RNF111: variants seen among roughly 807,000 people sequenced by gnomAD.
RNF111 encodes the protein ring finger protein 111, also known as E3 ubiquitin-protein ligase Arkadia.
A neutral mutation model predicts 95.1 loss-of-function variants in RNF111; 17 were observed. The observed-to-expected ratio is 0.18, with a 90% CI of 0.12 to 0.27. The LOEUF (loss-of-function observed/expected upper bound fraction) is 0.27. Among genes scored for constraint, RNF111 ranks in the 10% least tolerant of loss-of-function variants. RNF111 has a pLI of 1.00. For synonymous variants in RNF111, 440 were observed against 414.8 expected (o/e 1.06, Z -0.74); for missense variants, 1,189 against 1,210.4 (o/e 0.98, Z 0.26).
chr15:59,086,716 C>T (rs188192243), intron 10 of RNF111, among the ~76,000 whole-genome samples: 10 of 152,260 alleles, frequency 6.6e-5, no homozygotes, highest in Admixed American at 3.3e-4. Flanking sequence ...GCAAATAGCA[C>T]AAGCACTGGG....
At chr15:59,059,205 T>G (rs558857491) in intron 5 of RNF111, among the ~76,000 whole-genome samples, 1 of 152,236 alleles carries the variant, frequency 6.6e-6, no homozygotes, top group Admixed American at 6.5e-5. Context: ...AGAAAAGATT[T>G]GAATAGATAT....
chr15:58,991,156 G>A (rs1221472692), intron 1 of RNF111, among the ~76,000 whole-genome samples: 1 of 151,984 alleles, frequency 6.6e-6, no homozygotes, highest in Non-Finnish European at 1.5e-5. Context: ...AATTAGCTGG[G>A]CATGGTGGTG....
At chr15:59,073,536 C>G (rs1596278865) in intron 6 of RNF111, among the ~76,000 whole-genome samples, 3 of 152,098 alleles carry the variant, frequency 2.0e-5, no homozygotes, top group Admixed American at 1.3e-4. Context: ...AGAAGCAACT[C>G]ATTCAGCTTT....
intron 5 of RNF111, among the ~76,000 whole-genome samples, chr15:59,063,173 G>T (rs2042514166): frequency 6.6e-6 from 1 of 152,128 alleles, no homozygotes; most frequent in African/African-American, 2.4e-5. Flanking sequence ...CTTGTGAGTT[G>T]AAATTAAATA....
chr15:58,997,975 G>A (rs2039155555), intron 1 of RNF111, among the ~76,000 whole-genome samples: 1 of 151,504 alleles, frequency 6.6e-6, no homozygotes, highest in African/African-American at 2.4e-5. Flanking sequence ...GGCGATCCTG[G>A]CTCACTGTAA....
chr15:59,063,585 C>A (rs2042530933), intron 5 of RNF111, among the ~76,000 whole-genome samples: 1 of 152,124 alleles, frequency 6.6e-6, no homozygotes, highest in Non-Finnish European at 1.5e-5. Context: ...TGTATTTCAC[C>A]TCTAATTTAT....
intron 7 of RNF111, among the ~76,000 whole-genome samples, chr15:59,080,508 T>C (rs2078709271): frequency 6.6e-6 from 1 of 152,264 alleles, no homozygotes; most frequent in African/African-American, 2.4e-5. Context: ...ATTTATTTTT[T>C]TCTTTCTGTC....
At chr15:59,014,542 G>A (rs920656670) in intron 1 of RNF111, among the ~76,000 whole-genome samples, 17 of 152,174 alleles carry the variant, frequency 1.1e-4, no homozygotes, top group African/African-American at 2.7e-4. Context: ...CTTTTCAAAA[G>A]CATTTTTCTG....
intron 4 of RNF111, among the ~76,000 whole-genome samples, chr15:59,056,061 C>G (rs1000088480): frequency 1.1e-4 from 17 of 151,898 alleles, no homozygotes; most frequent in Non-Finnish European, 2.1e-4. Flanking sequence ...TAGCTATTTT[C>G]TCAGGAAAAA....
At position 59,055,663 on chromosome 15, in the gene RNF111, A is replaced by G. The variant is rs751344757; in HGVS notation, c.1008-19A>G. ...ATTCTTTATTTATATTTACTAACTT[A>G]ATATTGATGTCATTTAAGGTCTCGT... On this transcript the variant is annotated intron_variant, in intron 3 of 13. Coordinates refer to ENST00000348370, the MANE Select transcript of RNF111 (RefSeq NM_017610.8). 6 of 1,547,476 alleles carry G rather than the reference A, an allele frequency of 3.9e-6. No homozygotes were observed. In the South Asian group the frequency reaches 6.2e-5, roughly 16 times the overall value.
intron 1 of RNF111, among the ~76,000 whole-genome samples, chr15:58,992,726 G>A (rs774814965): frequency 1.3e-5 from 2 of 152,110 alleles, no homozygotes; most frequent in African/African-American, 2.4e-5. Flanking sequence ...AGGCTGAGGT[G>A]AGAGGATGGC....
At chr15:59,013,949 T>C (rs7176576) in intron 1 of RNF111, among the ~76,000 whole-genome samples, 64,920 of 151,728 alleles carry the variant, frequency 0.43, 14,406 homozygotes, top group African/African-American at 0.55. Flanking sequence ...CCACCACGCC[T>C]GGCTAATTTT....
chr15:59,027,540 T>C (rs1033668841), intron 1 of RNF111, among the ~76,000 whole-genome samples: 4 of 152,062 alleles, frequency 2.6e-5, no homozygotes, highest in Non-Finnish European at 5.9e-5. Context: ...TTTCTTTTTT[T>C]TTTTGGGAGA....
chr15:59,066,694 C>G, intron 5 of RNF111, 70 bp from the exon 6 acceptor site: 1 of 1,163,724 alleles, frequency 8.6e-7, no homozygotes, highest in South Asian at 1.4e-5. Flanking sequence ...TTATTTATAC[C>G]CCATACCTAT....
intron 1 of RNF111, among the ~76,000 whole-genome samples, chr15:58,996,408 A>T (rs1226029537): frequency 6.6e-6 from 1 of 151,780 alleles, no homozygotes; most frequent in Non-Finnish European, 1.5e-5. Flanking sequence ...CCCTGTCTCA[A>T]CTGAAAAATG....
chr15:59,038,550 A>G (rs930513316), intron 2 of RNF111, among the ~76,000 whole-genome samples: 20 of 152,214 alleles, frequency 1.3e-4, no homozygotes, highest in Admixed American at 1.1e-3. Context: ...AAACAGAAAT[A>G]TGCAATGAAC....
At chr15:59,070,245 T>G (rs1397190306) in intron 6 of RNF111, among the ~76,000 whole-genome samples, 1 of 152,014 alleles carries the variant, frequency 6.6e-6, no homozygotes, top group East Asian at 1.9e-4. Context: ...TATACTCATC[T>G]TGCTTACCCT....
chr15:59,070,169 C>T (rs534289568), intron 6 of RNF111, among the ~76,000 whole-genome samples: 1 of 150,876 alleles, frequency 6.6e-6, no homozygotes, highest in African/African-American at 2.4e-5. Flanking sequence ...ACCACTGTGC[C>T]TAGTAGTTTA....
chr15:59,087,734 G>T (rs528447290), intron 10 of RNF111, among the ~76,000 whole-genome samples: 2 of 152,204 alleles, frequency 1.3e-5, no homozygotes, highest in East Asian at 1.9e-4. Flanking sequence ...TGCTGTCTCT[G>T]GGGTGGCAGA....
Sources: gnomAD v4.1 joint callset for allele counts (sites outside exome capture counted in the v4.1 genomes callset) on GRCh38, gnomAD v4.1.1 for gene constraint, MANE v1.5 for transcripts, NCBI Gene and HGNC (gene_info 2026-07-23, HGNC 2026-07-21) for gene names.